The following THSD4 variants were observed in gnomAD, a reference collection of about 807,000 sequenced individuals.
THSD4 encodes thrombospondin type 1 domain containing 4.
THSD4 carries 69 observed loss-of-function variants against 119.0 expected under a neutral mutation model. The observed-to-expected ratio is 0.58, with a 90% confidence interval of 0.48 to 0.71. The LOEUF (loss-of-function observed/expected upper bound fraction) is 0.71, where lower values mean the gene tolerates loss of function less well. THSD4 is among the 30% of genes least tolerant of loss of function. THSD4 has a pLI of 0.00. For synonymous variants in THSD4, 524 were observed against 540.4 expected (o/e 0.97, Z 0.42); for missense variants, 1,393 against 1,391.1 (o/e 1.00, Z -0.02).
At chr15:71,468,776 CTCA>C (rs940987418) in intron 7 of THSD4, among the ~76,000 whole-genome samples, 4 of 152,300 alleles carry the variant, frequency 2.6e-5, no homozygotes, top group Admixed American at 1.3e-4. Context: ...TTAAGATTAT[CTCA>C]TCATCTAAAG....
intron 7 of THSD4, among the ~76,000 whole-genome samples, chr15:71,631,324 G>A (rs560671591): frequency 6.6e-6 from 1 of 152,164 alleles, no homozygotes. Context: ...TTGAAAGGAG[G>A]GAGGATTTCA....
At chr15:71,463,898 A>G (rs1251319447) in intron 7 of THSD4, among the ~76,000 whole-genome samples, 1 of 152,112 alleles carries the variant, frequency 6.6e-6, no homozygotes, top group African/African-American at 2.4e-5. Flanking sequence ...AAATCAAACT[A>G]TTCAATTACC....
intron 8 of THSD4, among the ~76,000 whole-genome samples, chr15:71,676,504 T>C (rs1322270197): frequency 6.6e-6 from 1 of 152,104 alleles, no homozygotes; most frequent in Admixed American, 6.6e-5. Context: ...ATGGTCTCAA[T>C]CTCTTGACCT....
At chr15:71,764,048 C>G (rs1022675743) in intron 15 of THSD4, among the ~76,000 whole-genome samples, 30 of 151,716 alleles carry the variant, frequency 2.0e-4, no homozygotes, top group African/African-American at 6.8e-4. Context: ...GCCTGGGTGA[C>G]AGAGTGAGAT....
chr15:71,362,779 C>G (rs778742980), intron 6 of THSD4, among the ~76,000 whole-genome samples: 2 of 152,096 alleles, frequency 1.3e-5, no homozygotes, highest in Non-Finnish European at 1.5e-5. Context: ...TCATCCTCCC[C>G]CTCCCTCCAC....
intron 7 of THSD4, among the ~76,000 whole-genome samples, chr15:71,623,805 C>A (rs996047920): frequency 1.3e-5 from 2 of 151,918 alleles, no homozygotes; most frequent in Non-Finnish European, 1.5e-5. Context: ...CACCTGTAAT[C>A]CCACCTACCT....
chr15:71,180,354 C>T (rs2043504727), intron 3 of THSD4, among the ~76,000 whole-genome samples: 1 of 151,996 alleles, frequency 6.6e-6, no homozygotes, highest in African/African-American at 2.4e-5. Flanking sequence ...AGACGTTTCT[C>T]CAAAGAAGAT....
chr15:71,771,238 G>T (rs2053818096), intron 17 of THSD4, 30 bp downstream of exon 17: 5 of 1,610,660 alleles, frequency 3.1e-6, no homozygotes, highest in Admixed American at 1.7e-5. Flanking sequence ...ATGGGGGAAA[G>T]GTTTGTGTTT....
At chr15:71,594,419 G>T (rs1400248913) in intron 7 of THSD4, among the ~76,000 whole-genome samples, 1 of 151,986 alleles carries the variant, frequency 6.6e-6, no homozygotes, top group Non-Finnish European at 1.5e-5. Context: ...ATGTTGGCTG[G>T]GCTGTTCTTG....
At chr15:71,408,792 C>T (rs2046642411) in intron 6 of THSD4, among the ~76,000 whole-genome samples, 1 of 152,094 alleles carries the variant, frequency 6.6e-6, no homozygotes, top group Non-Finnish European at 1.5e-5. Context: ...GTCAAGGTTG[C>T]AGTGAGCCAA....
chr15:71,410,812 A>G (rs944836667), intron 6 of THSD4, among the ~76,000 whole-genome samples: 2 of 152,136 alleles, frequency 1.3e-5, no homozygotes, highest in African/African-American at 2.4e-5. Flanking sequence ...TGGGCGAATC[A>G]CTTGAGGTCA....
At chr15:71,558,840 T>G (rs1417451861) in intron 7 of THSD4, among the ~76,000 whole-genome samples, 1 of 152,188 alleles carries the variant, frequency 6.6e-6, no homozygotes. Flanking sequence ...TTAATTATAT[T>G]TTTAAGTATG....
chr15:71,369,987 A>T (rs570286087), intron 6 of THSD4, among the ~76,000 whole-genome samples: 6 of 152,028 alleles, frequency 3.9e-5, no homozygotes. Context: ...TAGGGATTCA[A>T]CTTCTTCCTG....
At chr15:71,364,089 G>A (rs1286169377) in intron 6 of THSD4, among the ~76,000 whole-genome samples, 1 of 152,226 alleles carries the variant, frequency 6.6e-6, no homozygotes, top group East Asian at 1.9e-4. Flanking sequence ...AATACAAGGT[G>A]AAAAGAGACG....
At chr15:71,306,155 A>G (rs145945554) in intron 6 of THSD4, among the ~76,000 whole-genome samples, 40 of 151,920 alleles carry the variant, frequency 2.6e-4, no homozygotes, top group African/African-American at 9.7e-4. Context: ...AAAATGCAAA[A>G]ATCAGCCGGG....
chr15:71,366,737 A>G (rs916434392), intron 6 of THSD4, among the ~76,000 whole-genome samples: 2 of 152,088 alleles, frequency 1.3e-5, no homozygotes, highest in Non-Finnish European at 2.9e-5. Flanking sequence ...TGCTCCGATC[A>G]TCTCCAAGAG....
chr15:71,109,018 AC>A (rs2040286103), intron 1 of THSD4, among the ~76,000 whole-genome samples: 1 of 152,208 alleles, frequency 6.6e-6, no homozygotes, highest in African/African-American at 2.4e-5. Flanking sequence ...AAACAAAAAA[AC>A]AAACAAAAAA....
Position 71,726,617 on chromosome 15 carries a change from C to G in THSD4, c.1358-1932C>G, listed in dbSNP as rs1284196299. Among the ~76,000 whole-genome samples, 4 of 152,178 alleles carry G rather than the reference C, an allele frequency of 2.6e-5. No individual in the cohort carries two copies. The South Asian group carries it at 8.3e-4, about 32-fold the overall frequency. ...AGGTGCAAAGAGCCAGTGGCCATCA[C>G]AGGTCCACTATGTACATAGCACTTA... On this transcript the variant is annotated intron_variant, in intron 8 of 17. Coordinates refer to ENST00000261862, the MANE Select transcript of THSD4 (RefSeq NM_024817.3).
intron 1 of THSD4, among the ~76,000 whole-genome samples, chr15:71,135,530 A>C (rs2040543267): frequency 6.6e-6 from 1 of 152,162 alleles, no homozygotes. Context: ...TCAGCTAGCA[A>C]GTCTGCCCAC....
Sources: gnomAD v4.1 joint callset for allele counts (sites outside exome capture counted in the v4.1 genomes callset) on GRCh38, gnomAD v4.1.1 for gene constraint, MANE v1.5 for transcripts, NCBI Gene and HGNC (gene_info 2026-07-23, HGNC 2026-07-21) for gene names.